The following PHIP variants were observed in gnomAD, a reference collection of about 807,000 sequenced individuals.
The protein encoded by PHIP is PHIP subunit of CUL4-Ring ligase complex.
Under a neutral mutation model 236.8 loss-of-function variants are expected in PHIP, and 54 were observed. The observed-to-expected ratio is 0.23, with a 90% CI of 0.18 to 0.29. The LOEUF is 0.29. Among genes scored for constraint, PHIP ranks in the 10% least tolerant of loss-of-function variants. The pLI is 1.00. For synonymous variants in PHIP, 756 were observed against 718.9 expected, an observed-to-expected ratio of 1.05 and a Z score of -0.83; for missense variants, 1,370 against 2,190.8, an observed-to-expected ratio of 0.63 and a Z score of 7.48.
chr6:78,954,589 G>C (rs1192638847), intron 35 of PHIP, among the ~76,000 whole-genome samples: 1 of 151,980 alleles, frequency 6.6e-6, no homozygotes, highest in Admixed American at 6.6e-5. Context: ...CAACTAGTAG[G>C]AACAGAATAA....
intron 30 of PHIP, among the ~76,000 whole-genome samples, chr6:78,962,307 C>A (rs755045745): frequency 6.6e-6 from 1 of 152,090 alleles, no homozygotes; most frequent in Non-Finnish European, 1.5e-5. Context: ...CAATACACAC[C>A]GTAAAGTTGT....
chr6:78,937,580 CAT>C lies in PHIP; in HGVS notation c.*3111_*3112del, dbSNP rs1773322301. Reference sequence around the variant, plus strand: ...CCTAATCCAGCTCACAAATATTCCACATACTTATTTACTTGGATTGGAGGAAG... The same window carrying C: ...CCTAATCCAGCTCACAAATATTCCACACTTATTTACTTGGATTGGAGGAAG... On this transcript the variant is annotated 3_prime_UTR_variant, in exon 40 of 40. Coordinates refer to ENST00000275034, the MANE Select transcript of PHIP (RefSeq NM_017934.7). 6.6e-6 allele frequency: 1 copy of C among 151,720 alleles called. No homozygotes were observed. The highest frequency in any genetic ancestry group is 2.4e-5 in the African/African-American group (1 of 41,412). The allele number at this position is 151,720 out of a possible 1,614,324, so 9.4% of individuals were successfully genotyped here. A position where few individuals can be genotyped will look rare whatever the true frequency, so the allele number is the denominator to read the frequency against.
At chr6:79,063,244 A>C (rs1773466988) in intron 4 of PHIP, among the ~76,000 whole-genome samples, 1 of 152,186 alleles carries the variant, frequency 6.6e-6, no homozygotes, top group South Asian at 2.1e-4. Flanking sequence ...CTTATAGTTA[A>C]GTGCTTAATA....
At chr6:78,987,621 A>G (rs1768950399) in intron 21 of PHIP, among the ~76,000 whole-genome samples, 2 of 152,174 alleles carry the variant, frequency 1.3e-5, no homozygotes, top group South Asian at 4.1e-4. Flanking sequence ...GGTTGAGAAG[A>G]AAAGAGGAAT....
chr6:78,951,619 A>G (rs1056579254), intron 35 of PHIP, among the ~76,000 whole-genome samples: 1 of 152,138 alleles, frequency 6.6e-6, no homozygotes, highest in Non-Finnish European at 1.5e-5. Flanking sequence ...AAGAGATTAC[A>G]TTTTTCTTAT....
chr6:79,036,369 A>G (rs1771932503), intron 7 of PHIP, among the ~76,000 whole-genome samples: 1 of 152,100 alleles, frequency 6.6e-6, no homozygotes, highest in Non-Finnish European at 1.5e-5. Context: ...CTCTCAATCC[A>G]GTTTTCCTAC....
In PHIP at chr6:79,074,395, A is replaced by C. The variant is rs1304190176; in HGVS notation, c.189+3053T>G. ...TAAGTGACAACTAGAAAGCAGACTT[A>C]ATAAACTAACTAGATTCACTATTCA... On this transcript the variant is annotated intron_variant, in intron 4 of 39. Transcript: ENST00000275034. 3.3e-5 allele frequency among the ~76,000 whole-genome samples: 5 copies of C among 152,078 alleles called. No homozygotes were observed. In the East Asian group the frequency reaches 9.6e-4, roughly 29 times the overall value.
intron 17 of PHIP, 145 bp from the exon 18 acceptor site, chr6:78,998,536 TA>T (rs1038643422): frequency 0.14 from 62,213 of 429,742 alleles, no homozygotes; most frequent in South Asian, 0.18. Context: ...TGATGGGAGT[TA>T]AAAAAAAAAA....
chr6:78,976,181 A>G (rs1768046368), intron 24 of PHIP, among the ~76,000 whole-genome samples: 1 of 149,890 alleles, frequency 6.7e-6, no homozygotes, highest in African/African-American at 2.4e-5. Context: ...ACAGAGATAT[A>G]GATCAATGGA....
chr6:79,045,221 C>G (rs116489260), intron 6 of PHIP, among the ~76,000 whole-genome samples: 1 of 152,136 alleles, frequency 6.6e-6, no homozygotes, highest in East Asian at 1.9e-4. Context: ...AAAGAACATA[C>G]GTAGATTCCC....
Position 78,974,621 on chromosome 6 carries a change from A to G in PHIP, c.2890-3733T>C, listed in dbSNP as rs185068928. Reference sequence around the variant, plus strand: ...TTTGAAAGATCAACAAAATCGATAGACCGCCAGCAAGACTAATAAAAGAAA... The same window carrying G: ...TTTGAAAGATCAACAAAATCGATAGGCCGCCAGCAAGACTAATAAAAGAAA... On this transcript the variant is annotated intron_variant, in intron 24 of 39. Coordinates refer to ENST00000275034, the MANE Select transcript of PHIP (RefSeq NM_017934.7). 6.2e-4 allele frequency among the ~76,000 whole-genome samples: 95 copies of G among 152,324 alleles called. 1 individual carries two copies. In the South Asian group the frequency reaches 8.1e-3, roughly 13 times the overall value.
At chr6:79,058,537 T>C (rs1339394377) in intron 6 of PHIP, among the ~76,000 whole-genome samples, 1 of 152,152 alleles carries the variant, frequency 6.6e-6, no homozygotes, top group Non-Finnish European at 1.5e-5. Flanking sequence ...CATAGCATAA[T>C]GGAGTCAAAC....
At chr6:79,077,571 G>T in intron 3 of PHIP, 64 bp from the exon 4 acceptor site, 1 of 624,394 alleles carries the variant, frequency 1.6e-6, no homozygotes, top group Non-Finnish European at 2.0e-6. Context: ...CCCCTCCCCC[G>T]CCCGCCCCGC....
chr6:79,031,279 G>A (rs1328921595), intron 7 of PHIP, among the ~76,000 whole-genome samples: 1 of 152,124 alleles, frequency 6.6e-6, no homozygotes, highest in East Asian at 1.9e-4. Flanking sequence ...TATAATTACT[G>A]CGAAAGAGTG....
intron 6 of PHIP, among the ~76,000 whole-genome samples, chr6:79,048,012 T>TC (rs1483358524): frequency 1.3e-5 from 2 of 151,844 alleles, no homozygotes; most frequent in Non-Finnish European, 2.9e-5. Flanking sequence ...TATTTTTTTT[T>TC]TTTCTGTGCT....
rs777193328 is a variant in PHIP at position 78,998,270 on chromosome 6, G to A, written c.2001C>T (p.Thr667=). 39 of 1,610,232 alleles carry A rather than the reference G, an allele frequency of 2.4e-5. No homozygotes were observed. The highest frequency in any genetic ancestry group is 2.9e-5 in the Non-Finnish European group (34 of 1,176,754). The change falls in exon 18 of 40, where the codon ACC becomes ACT. Residue 667 remains threonine (T), a synonymous_variant. Coordinates refer to ENST00000275034, the MANE Select transcript of PHIP (RefSeq NM_017934.7). ...CCTGCTTACCTCTACTTAAACGGCT[G>A]GTATTACTGATAACTGCTTCACCAG... ...RRSGEAVISN[T]SRLSRGSISS...
intron 39 of PHIP, among the ~76,000 whole-genome samples, chr6:78,943,281 TAATA>T (rs1238232060): frequency 6.6e-6 from 1 of 152,184 alleles, no homozygotes; most frequent in Non-Finnish European, 1.5e-5. Flanking sequence ...TAATGTTAAC[TAATA>T]GATAATGATA....
chr6:79,029,484 G>GA (rs1415824573), intron 7 of PHIP, among the ~76,000 whole-genome samples: 1 of 152,016 alleles, frequency 6.6e-6, no homozygotes, highest in Non-Finnish European at 1.5e-5. Flanking sequence ...AATGTATTGG[G>GA]AAAAAATGTT....
chr6:79,033,839 T>A (rs759076349), intron 7 of PHIP, among the ~76,000 whole-genome samples: 8 of 152,168 alleles, frequency 5.3e-5, no homozygotes, highest in African/African-American at 1.9e-4. Context: ...TTCTAACTTT[T>A]GAATTAAAGT....
Sources: allele counts gnomAD v4.1 joint callset (sites outside exome capture counted in the v4.1 genomes callset), GRCh38; gene constraint gnomAD v4.1.1; transcripts MANE v1.5; gene names NCBI Gene and HGNC (gene_info 2026-07-23, HGNC 2026-07-21).